JARID2: variants seen among roughly 807,000 people sequenced by gnomAD.
The protein encoded by JARID2 is protein Jumonji.
In JARID2, 21 loss-of-function variants were observed where a neutral mutation model predicts 125.6. The observed-to-expected ratio is 0.17, with a 90% CI of 0.12 to 0.24. The LOEUF (loss-of-function observed/expected upper bound fraction) is 0.24, where lower values mean the gene tolerates loss of function less well. JARID2 is among the 10% of genes least tolerant of loss of function. The pLI, the probability that JARID2 is intolerant of heterozygous loss-of-function variation, is 1.00. For missense variants in JARID2, 1,303 were observed against 1,639.6 expected, an observed-to-expected ratio of 0.79 and a Z score of 3.55; for synonymous variants, 736 against 661.6, an observed-to-expected ratio of 1.11 and a Z score of -1.73.
intron 4 of JARID2, among the ~76,000 whole-genome samples, chr6:15,452,952 G>A (rs1167131350): frequency 6.6e-6 from 1 of 152,084 alleles, no homozygotes; most frequent in Non-Finnish European, 1.5e-5. Flanking sequence ...CTTTGCTATT[G>A]GACATCTGTG....
intron 6 of JARID2, among the ~76,000 whole-genome samples, chr6:15,494,610 G>A (rs1157194060): frequency 3.3e-5 from 5 of 152,032 alleles, no homozygotes; most frequent in African/African-American, 4.8e-5. Flanking sequence ...GGGTTTCACC[G>A]TGTTAGCCAG....
intron 2 of JARID2, among the ~76,000 whole-genome samples, chr6:15,383,431 C>CT (rs1764666828): frequency 6.6e-6 from 1 of 152,052 alleles, no homozygotes; most frequent in South Asian, 2.1e-4. Flanking sequence ...ATTTACCTCT[C>CT]TTTACTGGTT....
At chr6:15,329,744 C>T (rs1248298801) in intron 1 of JARID2, among the ~76,000 whole-genome samples, 1 of 152,076 alleles carries the variant, frequency 6.6e-6, no homozygotes, top group African/African-American at 2.4e-5. Flanking sequence ...CTTCCTTTGC[C>T]CATCCATGAC....
intron 1 of JARID2, among the ~76,000 whole-genome samples, chr6:15,354,111 A>G (rs1763519128): frequency 6.6e-6 from 1 of 152,234 alleles, no homozygotes; most frequent in Admixed American, 6.5e-5. Context: ...AAGGATCATC[A>G]GACGAGAAGA....
At chr6:15,409,410 A>G (rs1435361846) in intron 2 of JARID2, among the ~76,000 whole-genome samples, 6 of 152,174 alleles carry the variant, frequency 3.9e-5, no homozygotes, top group Non-Finnish European at 8.8e-5. Context: ...GTTGCTGTGG[A>G]CATGTCTTAT....
chr6:15,299,361 G>A (rs1317081316), intron 1 of JARID2, among the ~76,000 whole-genome samples: 2 of 152,182 alleles, frequency 1.3e-5, no homozygotes, highest in Non-Finnish European at 2.9e-5. Flanking sequence ...GTGTTTGGTA[G>A]AGGAAGGGAT....
At chr6:15,286,636 G>A (rs886247505) in intron 1 of JARID2, among the ~76,000 whole-genome samples, 4 of 151,764 alleles carry the variant, frequency 2.6e-5, no homozygotes, top group Non-Finnish European at 4.4e-5. Context: ...CGAGACGGGC[G>A]GATCACGAGG....
intron 1 of JARID2, among the ~76,000 whole-genome samples, chr6:15,369,585 T>C (rs1332556723): frequency 6.6e-6 from 1 of 152,104 alleles, no homozygotes; most frequent in African/African-American, 2.4e-5. Flanking sequence ...CCTGAAGTGG[T>C]TTACAGAGGA....
At chr6:15,248,990 C>G (rs1759322722) in intron 1 of JARID2, 1 of 983,432 alleles carries the variant, frequency 1.0e-6, no homozygotes, top group African/African-American at 1.7e-5. Context: ...CCGTAGGTCC[C>G]CAAAGGAGTG....
chr6:15,471,880 G>A lies in JARID2; in HGVS notation c.670+3162G>A, dbSNP rs577813471. Among the ~76,000 whole-genome samples the A allele has an allele frequency of 3.3e-5, 5 of 152,220 alleles. No homozygotes were observed. In the South Asian group the frequency reaches 8.3e-4, roughly 25 times the overall value. On this transcript the variant is annotated intron_variant, in intron 5 of 17. Transcript: ENST00000341776. ...CATTGACCACTGTCATTGCCACTAG[G>A]AGTCAAGGAAAGTGTAACTATCTAT... is the stretch of plus-strand genomic sequence containing the variant.
intron 1 of JARID2, among the ~76,000 whole-genome samples, chr6:15,326,037 G>T (rs1470298673): frequency 1.3e-5 from 2 of 152,134 alleles, no homozygotes; most frequent in Non-Finnish European, 2.9e-5. Flanking sequence ...TATGAAATTT[G>T]TTTTAATTTC....
intron 2 of JARID2, among the ~76,000 whole-genome samples, chr6:15,396,573 C>T (rs1312766478): frequency 6.6e-6 from 1 of 152,124 alleles, no homozygotes; most frequent in Non-Finnish European, 1.5e-5. Flanking sequence ...TCGCTATTAC[C>T]AAACCCTGTA....
At chr6:15,442,145 C>T (rs1367654979) in intron 3 of JARID2, among the ~76,000 whole-genome samples, 2 of 151,384 alleles carry the variant, frequency 1.3e-5, no homozygotes, top group East Asian at 3.9e-4. Context: ...GGATTCTCGC[C>T]TCACAGGGTC....
rs371679421 is a variant in JARID2 at position 15,357,013 on chromosome 6, AAAAC to A, written c.46-17096_46-17093del. Among the ~76,000 whole-genome samples, 741 of 152,316 alleles carry A rather than the reference AAAAC, an allele frequency of 4.9e-3. 6 individuals carry two copies. The highest frequency in any genetic ancestry group is 0.017 in the African/African-American group (699 of 41,560). On this transcript the variant is annotated intron_variant, in intron 1 of 17. Transcript: ENST00000341776. ...TGGACAACAGATTGAGACTGTCTCA[AAAAC>A]AAACAAAAAACAACAACAAAAAACT...
chr6:15,504,053 C>T (rs1272404877), intron 8 of JARID2, among the ~76,000 whole-genome samples: 1 of 151,864 alleles, frequency 6.6e-6, no homozygotes, highest in African/African-American at 2.4e-5. Context: ...CAGTTTCTGT[C>T]TCTCCAGCTT....
Position 15,487,294 on chromosome 6 carries a change from C to T in JARID2, c.671-13C>T, listed in dbSNP as rs753667903. On this transcript the variant is annotated splice_polypyrimidine_tract_variant and intron_variant, in intron 5 of 17. Coordinates refer to ENST00000341776, the MANE Select transcript of JARID2 (RefSeq NM_004973.4). ...GGTAGTGATTTCATTCTTGTTTTCT[C>T]CTTCCTTTCTAGTTTTCAATGGTTC... is the stretch of plus-strand genomic sequence containing the variant. The T allele has an allele frequency of 1.1e-5, 17 of 1,609,824 alleles. No individual in the cohort carries two copies. In the South Asian group the frequency reaches 1.8e-4, roughly 17 times the overall value.
chr6:15,432,913 C>T (rs1488139288), intron 3 of JARID2, among the ~76,000 whole-genome samples: 1 of 152,206 alleles, frequency 6.6e-6, no homozygotes, highest in Non-Finnish European at 1.5e-5. Context: ...CAGTATTTCT[C>T]ACATGTAAGC....
At chr6:15,476,722 C>T (rs1769358084) in intron 5 of JARID2, among the ~76,000 whole-genome samples, 1 of 152,212 alleles carries the variant, frequency 6.6e-6, no homozygotes, top group African/African-American at 2.4e-5. Flanking sequence ...AAATACTCTT[C>T]CATATACAGA....
chr6:15,395,813 C>CT (rs1765199679), intron 2 of JARID2, among the ~76,000 whole-genome samples: 1 of 151,762 alleles, frequency 6.6e-6, no homozygotes, highest in African/African-American at 2.4e-5. Context: ...TACAGGTGTG[C>CT]ACCACCATGC....
Sources: allele counts gnomAD v4.1 joint callset (sites outside exome capture counted in the v4.1 genomes callset), GRCh38; gene constraint gnomAD v4.1.1; transcripts MANE v1.5; gene names NCBI Gene and HGNC (gene_info 2026-07-23, HGNC 2026-07-21).